The following GORASP2 variants were observed in gnomAD, a reference collection of about 807,000 sequenced individuals.
The protein encoded by GORASP2 is golgi reassembly stacking protein 2, also known as Golgi reassembly-stacking protein 2.
Under a neutral mutation model 45.7 loss-of-function variants are expected in GORASP2, and 22 were observed. The ratio of observed to expected loss-of-function variants is 0.48; its 90% CI spans 0.34 to 0.69. The LOEUF (loss-of-function observed/expected upper bound fraction) is 0.69. Among genes scored for constraint, GORASP2 ranks in the 30% least tolerant of loss-of-function variants. GORASP2 has a pLI of 0.01. For missense variants in GORASP2, 491 were observed against 562.7 expected (o/e 0.87, Z 1.29); for synonymous variants, 221 against 215.6 (o/e 1.02, Z -0.22).
intron 1 of GORASP2, among the ~76,000 whole-genome samples, chr2:170,946,796 G>A (rs1456802224): frequency 2.0e-5 from 3 of 151,396 alleles, no homozygotes; most frequent in Admixed American, 6.6e-5. Flanking sequence ...AAATTAGGCG[G>A]TGTGGTGGTG....
rs1704225701 is a variant in GORASP2, at chr2:170,948,429, T to C, written c.143T>C (p.Leu48Ser). The change falls in exon 2 of 10, where the codon TTA becomes TCA. Residue 48 changes from leucine to serine, a missense_variant and splice_region_variant. Coordinates refer to ENST00000234160, the MANE Select transcript of GORASP2 (RefSeq NM_015530.5). ...ATTGTTTCTATTAATGGTTCAAGAT[T>C]AGTAAGTTCAACTTTCTGTAGTTTT... is the stretch of plus-strand genomic sequence containing the variant. ...DFIVSINGSRLNKDNDTLKDL... is the reference protein window; with the variant it reads ...DFIVSINGSRSNKDNDTLKDL... The C allele has an allele frequency of 1.3e-6, 2 of 1,496,858 alleles. No homozygotes were observed. The highest frequency in any genetic ancestry group is 1.9e-6 in the Non-Finnish European group (2 of 1,077,562). The allele number at this position is 1,496,858 out of a possible 1,614,324, so 92.7% of individuals were successfully genotyped here. A position where few individuals can be genotyped will look rare whatever the true frequency, so the allele number is the denominator to read the frequency against.
chr2:170,963,635 A>T (rs556410363), intron 9 of GORASP2, among the ~76,000 whole-genome samples: 2 of 151,590 alleles, frequency 1.3e-5, no homozygotes, highest in African/African-American at 4.8e-5. Flanking sequence ...CTGGGCTTGT[A>T]TTTTTTGTTT....
At chr2:170,931,033 A>G (rs1302836518) in intron 1 of GORASP2, among the ~76,000 whole-genome samples, 1 of 151,734 alleles carries the variant, frequency 6.6e-6, no homozygotes, top group African/African-American at 2.4e-5. Context: ...AAAGGATTCC[A>G]ACTTAGTGAC....
upstream of GORASP2, chr2:170,929,104 C>T: frequency 2.6e-6 from 1 of 388,512 alleles, no homozygotes; most frequent in Non-Finnish European, 4.6e-6. Flanking sequence ...CCCTCTCCGC[C>T]CTCCCGGCCC....
intron 9 of GORASP2, 44 bp downstream of exon 9, chr2:170,962,990 GT>G: frequency 7.6e-7 from 1 of 1,314,174 alleles, no homozygotes; most frequent in Non-Finnish European, 1.1e-6. Context: ...TCTAATAAAA[GT>G]TTTATTCAGG....
chr2:170,947,576 C>T (rs192810486), intron 1 of GORASP2, among the ~76,000 whole-genome samples: 1 of 152,284 alleles, frequency 6.6e-6, no homozygotes, highest in East Asian at 1.9e-4. Context: ...GTATCCATTG[C>T]CCCTTCCTCT....
chr2:170,936,224 CTTTTTTTTTT>C (rs3079542), intron 1 of GORASP2, among the ~76,000 whole-genome samples: 1 of 119,034 alleles, frequency 8.4e-6, no homozygotes, highest in African/African-American at 3.2e-5. Context: ...TTGAAACTGA[CTTTTTTTTTT>C]TTTTTTTTTT....
intron 2 of GORASP2, 40 bp from the exon 3 acceptor site, chr2:170,949,499 T>C: frequency 4.0e-6 from 6 of 1,499,254 alleles, no homozygotes; most frequent in Non-Finnish European, 5.6e-6. Context: ...TAACATTAAA[T>C]TTTTATTTAC....
At chr2:170,929,107 C>T (rs1473712762), upstream of GORASP2, 10 of 390,236 alleles carry the variant, frequency 2.6e-5, no homozygotes, top group South Asian at 9.8e-4. Context: ...TCTCCGCCCT[C>T]CCGGCCCGCG....
intron 1 of GORASP2, among the ~76,000 whole-genome samples, chr2:170,945,514 AAG>A (rs1553597477): frequency 1.3e-4 from 18 of 141,908 alleles, no homozygotes; most frequent in African/African-American, 1.7e-4. Flanking sequence ...AAAAAAAAAA[AAG>A]AAGAAGAAGA....
chr2:170,935,918 C>A (rs775260788), intron 1 of GORASP2, among the ~76,000 whole-genome samples: 2 of 152,110 alleles, frequency 1.3e-5, no homozygotes, highest in Non-Finnish European at 2.9e-5. Context: ...TGTTTTAATG[C>A]CTGCGCTATC....
intron 1 of GORASP2, among the ~76,000 whole-genome samples, chr2:170,943,008 CT>C (rs1168183421): frequency 2.0e-5 from 3 of 152,146 alleles, no homozygotes; most frequent in African/African-American, 7.2e-5. Flanking sequence ...TGTATTATGT[CT>C]TTTTACTTTC....
At chr2:170,934,045 A>T (rs1703886790) in intron 1 of GORASP2, among the ~76,000 whole-genome samples, 1 of 151,884 alleles carries the variant, frequency 6.6e-6, no homozygotes, top group Non-Finnish European at 1.5e-5. Flanking sequence ...CTTTTTATAT[A>T]TTTTTTTCTA....
chr2:170,962,827 C>A lies in GORASP2; in HGVS notation c.911-12C>A. 1 of 1,569,996 alleles carries A rather than the reference C, an allele frequency of 6.4e-7. No homozygotes were observed. The highest frequency in any genetic ancestry group is 8.8e-7 in the Non-Finnish European group (1 of 1,139,948). ...GTGATTTCTCTTTTTTTCTTTTCTGCCTTCTCTTCAGGTCTGATGCCTTTA... is the reference window on the plus strand; with the variant it reads ...GTGATTTCTCTTTTTTTCTTTTCTGACTTCTCTTCAGGTCTGATGCCTTTA... On this transcript the variant is annotated splice_polypyrimidine_tract_variant and intron_variant, in intron 8 of 9. Transcript: ENST00000234160.
intron 9 of GORASP2, among the ~76,000 whole-genome samples, chr2:170,965,169 C>T (rs1704656080): frequency 6.6e-6 from 1 of 151,906 alleles, no homozygotes; most frequent in South Asian, 2.1e-4. Flanking sequence ...CCCACCTTGG[C>T]CTCCCAAAGT....
At position 170,967,068 on chromosome 2, in the gene GORASP2, A is replaced by G. The variant is rs1559318535; in HGVS notation, c.*938A>G. On this transcript the variant is annotated 3_prime_UTR_variant, in exon 10 of 10. Coordinates refer to ENST00000234160, the MANE Select transcript of GORASP2 (RefSeq NM_015530.5). ...TTTCTCCCATTTTTAAGAGATGGTAAGTTAACTGGAATTGATTTACTGAAT... is the reference window on the plus strand; with the variant it reads ...TTTCTCCCATTTTTAAGAGATGGTAGGTTAACTGGAATTGATTTACTGAAT... 6.6e-6 allele frequency: 1 copy of G among 152,216 alleles called. No homozygotes were observed. Among genetic ancestry groups the G allele is most frequent in the Non-Finnish European group, 1.5e-5 (1 of 68,040 alleles). 9.4% of individuals were successfully genotyped at this position (152,216 alleles called of 1,614,324 possible). A position where few individuals can be genotyped will look rare whatever the true frequency, so the allele number is the denominator to read the frequency against.
chr2:170,941,123 G>A lies in GORASP2; in HGVS notation c.64-7227G>A, dbSNP rs947989514. ...AGCCGTTTTTTCTAGAATGTTAGGAGAGAAGCATTTCTTTCACGCTGCTGT... is the reference window on the plus strand; with the variant it reads ...AGCCGTTTTTTCTAGAATGTTAGGAAAGAAGCATTTCTTTCACGCTGCTGT... On this transcript the variant is annotated intron_variant, in intron 1 of 9. Transcript: ENST00000234160. Among the ~76,000 whole-genome samples the A allele has an allele frequency of 3.9e-5, 6 of 152,138 alleles. 1 individual carries two copies. Among genetic ancestry groups the A allele is most frequent in the African/African-American group, 1.4e-4 (6 of 41,430 alleles).
rs558952912 is a variant in GORASP2 at position 170,949,899 on chromosome 2, AT to A, written c.348+166del. Reference sequence around the variant, plus strand: ...TTCATTGCTTTTTAAGTATGGATCAATTTTTTTTTAAGTTGAGGAAGAGAAG... The same window carrying A: ...TTCATTGCTTTTTAAGTATGGATCAATTTTTTTTAAGTTGAGGAAGAGAAG... On this transcript the variant is annotated intron_variant, in intron 3 of 9. Coordinates refer to ENST00000234160, the MANE Select transcript of GORASP2 (RefSeq NM_015530.5). The A allele has an allele frequency of 7.4e-4, 450 of 610,584 alleles. 2 individuals carry two copies. Among genetic ancestry groups the A allele is most frequent in the East Asian group, 3.5e-3 (125 of 35,718 alleles). 37.8% of individuals were successfully genotyped at this position (610,584 alleles called of 1,614,324 possible).
intron 1 of GORASP2, among the ~76,000 whole-genome samples, chr2:170,932,648 G>A (rs947486785): frequency 2.6e-5 from 4 of 152,102 alleles, no homozygotes; most frequent in African/African-American, 4.8e-5. Flanking sequence ...GAGAACATTT[G>A]GATGTGGTAA....
Sources: allele counts gnomAD v4.1 joint callset (sites outside exome capture counted in the v4.1 genomes callset), GRCh38; gene constraint gnomAD v4.1.1; transcripts MANE v1.5; gene names NCBI Gene and HGNC (gene_info 2026-07-23, HGNC 2026-07-21).